Variants in DACH1 observed in about 807,000 individuals in gnomAD.
DACH1 encodes dachshund homolog 1.
DACH1 carries 12 observed loss-of-function variants against 54.2 expected under a neutral mutation model. The ratio of observed to expected loss-of-function variants is 0.22; its 90% CI spans 0.14 to 0.36. The LOEUF (loss-of-function observed/expected upper bound fraction) is 0.36. Among genes scored for constraint, DACH1 ranks in the 10% least tolerant of loss-of-function variants. The pLI is 1.00. For missense variants in DACH1, 805 were observed against 929.8 expected, an observed-to-expected ratio of 0.87 and a Z score of 1.75; for synonymous variants, 386 against 366.2, an observed-to-expected ratio of 1.05 and a Z score of -0.62.
At chr13:71,521,405 A>C (rs990342815) in intron 6 of DACH1, among the ~76,000 whole-genome samples, 1 of 152,040 alleles carries the variant, frequency 6.6e-6, no homozygotes, top group Non-Finnish European at 1.5e-5. Flanking sequence ...GAGATGTATA[A>C]ATATATGTAG....
At chr13:71,634,094 TC>T (rs753902645) in intron 2 of DACH1, among the ~76,000 whole-genome samples, 5 of 151,712 alleles carry the variant, frequency 3.3e-5, no homozygotes, top group African/African-American at 4.8e-5. Flanking sequence ...TGTCTCAGCC[TC>T]CCGAGTAGCT....
At chr13:71,753,527 C>T (rs1440177152) in intron 1 of DACH1, among the ~76,000 whole-genome samples, 3 of 152,006 alleles carry the variant, frequency 2.0e-5, no homozygotes, top group Admixed American at 1.3e-4. Context: ...TATCGCTTAC[C>T]AAGATATATA....
chr13:71,633,611 C>A (rs1348110966), intron 2 of DACH1, among the ~76,000 whole-genome samples: 1 of 152,032 alleles, frequency 6.6e-6, no homozygotes, highest in Non-Finnish European at 1.5e-5. Flanking sequence ...GACACACACA[C>A]ACACACACAC....
At chr13:71,662,065 CG>C (rs1879528623) in intron 2 of DACH1, among the ~76,000 whole-genome samples, 2 of 152,130 alleles carry the variant, frequency 1.3e-5, no homozygotes, top group South Asian at 2.1e-4. Context: ...CCTCTCAAGA[CG>C]TAACAACCAC....
At position 71,568,723 on chromosome 13, in the gene DACH1, T is replaced by C. The variant is rs566756973; in HGVS notation, c.1299+4117A>G. Among the ~76,000 whole-genome samples the C allele has an allele frequency of 4.6e-5, 7 of 152,214 alleles. No individual in the cohort carries two copies. The South Asian group carries it at 8.3e-4, about 18-fold the overall frequency. ...AAAATGAATAAGAAGGATGTGGGAA[T>C]TATTTCTCCATTATGGGGGAAGCTG... On this transcript the variant is annotated intron_variant, in intron 4 of 10. Transcript: ENST00000613252.
At chr13:71,508,889 T>A (rs1475666461) in intron 6 of DACH1, among the ~76,000 whole-genome samples, 1 of 152,162 alleles carries the variant, frequency 6.6e-6, no homozygotes, top group African/African-American at 2.4e-5. Context: ...ACTATTATCA[T>A]CTCTATTCCT....
At chr13:71,555,377 T>C (rs1295705213) in intron 6 of DACH1, among the ~76,000 whole-genome samples, 1 of 151,854 alleles carries the variant, frequency 6.6e-6, no homozygotes, top group African/African-American at 2.4e-5. Context: ...GGACTCTCAC[T>C]CTGTCACCCG....
At chr13:71,567,671 T>C (rs1704592346) in intron 4 of DACH1, among the ~76,000 whole-genome samples, 1 of 152,046 alleles carries the variant, frequency 6.6e-6, no homozygotes, top group Non-Finnish European at 1.5e-5. Flanking sequence ...CCTAATGGGG[T>C]AGTGCTGTTA....
At chr13:71,643,027 A>AAAAAAAAATTACAAATTCAGTTTAAT (rs1441645355) in intron 2 of DACH1, among the ~76,000 whole-genome samples, 1 of 152,104 alleles carries the variant, frequency 6.6e-6, no homozygotes, top group Non-Finnish European at 1.5e-5. Context: ...TCCATCTCAA[A>AAAAAAAAATTACAAATTCAGTTTAAT]AAAAAAAATT....
chr13:71,670,227 C>A (rs185804776), intron 2 of DACH1, among the ~76,000 whole-genome samples: 1 of 152,034 alleles, frequency 6.6e-6, no homozygotes, highest in African/African-American at 2.4e-5. Flanking sequence ...AAAACGTTTG[C>A]GTAATCTGAT....
intron 3 of DACH1, among the ~76,000 whole-genome samples, chr13:71,616,455 G>A (rs1875772052): frequency 6.6e-6 from 1 of 152,154 alleles, no homozygotes; most frequent in African/African-American, 2.4e-5. Flanking sequence ...TTCTCTAAAT[G>A]AGAAAAGAAG....
intron 1 of DACH1, among the ~76,000 whole-genome samples, chr13:71,823,339 C>T (rs1011532267): frequency 1.3e-5 from 2 of 152,042 alleles, no homozygotes; most frequent in Non-Finnish European, 2.9e-5. Context: ...CATCTCTTAG[C>T]TAAACCTCCT....
chr13:71,588,869 A>G (rs1397654407), intron 3 of DACH1, among the ~76,000 whole-genome samples: 1 of 152,010 alleles, frequency 6.6e-6, no homozygotes, highest in Non-Finnish European at 1.5e-5. Flanking sequence ...CATAAATGAA[A>G]TGTAACCTAG....
chr13:71,479,377 C>T (rs1412404760), intron 7 of DACH1, 61 bp from the exon 8 acceptor site: 22 of 1,537,940 alleles, frequency 1.4e-5, no homozygotes, highest in Non-Finnish European at 1.8e-5. Context: ...TCGTTCATTA[C>T]TTAAAAGCAT....
intron 1 of DACH1, among the ~76,000 whole-genome samples, chr13:71,687,950 A>T (rs1292187437): frequency 2.0e-5 from 3 of 152,176 alleles, no homozygotes; most frequent in Non-Finnish European, 2.9e-5. Flanking sequence ...AACAACTTGG[A>T]TCATATTTTT....
chr13:71,804,214 A>G (rs1269416041), intron 1 of DACH1, among the ~76,000 whole-genome samples: 1 of 152,086 alleles, frequency 6.6e-6, no homozygotes. Context: ...TTGGGAGACT[A>G]AGGCAGGAGA....
At chr13:71,588,964 CAAGACATAA>C (rs1163296292) in intron 3 of DACH1, among the ~76,000 whole-genome samples, 1 of 151,782 alleles carries the variant, frequency 6.6e-6, no homozygotes, top group South Asian at 2.1e-4. Context: ...CCATCATAAT[CAAGACATAA>C]AAGACATATT....
At chr13:71,782,168 T>G (rs1247212343) in intron 1 of DACH1, among the ~76,000 whole-genome samples, 1 of 152,186 alleles carries the variant, frequency 6.6e-6, no homozygotes, top group Non-Finnish European at 1.5e-5. Flanking sequence ...TGGCTGGGCC[T>G]GGTGGCTGAC....
In DACH1 at chr13:71,709,947, A is replaced by C. The variant is rs117001461; in HGVS notation, c.849-28037T>G. The stretch of plus-strand genomic sequence containing the variant: ...ACTACAGCCTCGAATTTCTGGGCTC[A>C]ATCGATCCTTCCACCTTAACCTCCC... On this transcript the variant is annotated intron_variant, in intron 1 of 10. Transcript: ENST00000613252. Among the ~76,000 whole-genome samples the C allele has an allele frequency of 7.2e-3, 1,095 of 152,298 alleles. 6 individuals carry two copies. Among genetic ancestry groups the C allele is most frequent in the Non-Finnish European group, 0.011 (733 of 68,020 alleles).
Sources: allele counts gnomAD v4.1 joint callset (sites outside exome capture counted in the v4.1 genomes callset), GRCh38; gene constraint gnomAD v4.1.1; transcripts MANE v1.5; gene names NCBI Gene and HGNC (gene_info 2026-07-23, HGNC 2026-07-21).